The following WASF1 variants were observed in gnomAD, a reference collection of about 807,000 sequenced individuals.
WASF1 encodes the protein WASP family member 1.
In WASF1, 7 loss-of-function variants were observed where a neutral mutation model predicts 50.5. That is an observed-to-expected ratio of 0.14 (90% CI 0.08 to 0.26). The LOEUF (loss-of-function observed/expected upper bound fraction) is 0.26, where lower values mean the gene tolerates loss of function less well. WASF1 is among the 10% of genes least tolerant of loss of function. WASF1 has a pLI of 1.00. For missense variants in WASF1, 470 were observed against 694.7 expected (o/e 0.68, Z 3.64); for synonymous variants, 205 against 244.0 (o/e 0.84, Z 1.49).
intron 3 of WASF1, among the ~76,000 whole-genome samples, chr6:110,146,387 A>G (rs1775562248): frequency 6.6e-6 from 1 of 151,698 alleles, no homozygotes; most frequent in Non-Finnish European, 1.5e-5. Context: ...ATGTTTAAAT[A>G]GAGCTTTGCT....
intron 3 of WASF1, among the ~76,000 whole-genome samples, chr6:110,135,330 T>C (rs1322213393): frequency 6.6e-6 from 1 of 152,196 alleles, no homozygotes; most frequent in Non-Finnish European, 1.5e-5. Context: ...CAGTATGACT[T>C]CCTCTTTACT....
chr6:110,163,396 A>T (rs1039562448), intron 2 of WASF1, among the ~76,000 whole-genome samples: 1 of 151,548 alleles, frequency 6.6e-6, no homozygotes, highest in Non-Finnish European at 1.5e-5. Context: ...GGTTCTAGTG[A>T]GAGTCCTGTT....
At chr6:110,163,211 C>T (rs556679116) in intron 2 of WASF1, among the ~76,000 whole-genome samples, 5 of 151,562 alleles carry the variant, frequency 3.3e-5, no homozygotes, top group East Asian at 1.9e-4. Context: ...AAAACTCTGA[C>T]GAAAGAAATC....
At chr6:110,142,195 TTTC>T (rs1357582590) in intron 3 of WASF1, among the ~76,000 whole-genome samples, 1 of 152,232 alleles carries the variant, frequency 6.6e-6, no homozygotes, top group Admixed American at 6.5e-5. Flanking sequence ...ATCTTACTCA[TTTC>T]TTCATCTTTA....
chr6:110,111,679 T>G (rs1475130085), intron 5 of WASF1, among the ~76,000 whole-genome samples: 4 of 152,118 alleles, frequency 2.6e-5, no homozygotes, highest in Non-Finnish European at 5.9e-5. Context: ...GTACTATTCA[T>G]TCATATGAAA....
chr6:110,155,099 G>C (rs1230321377), intron 3 of WASF1, among the ~76,000 whole-genome samples: 1 of 152,040 alleles, frequency 6.6e-6, no homozygotes, highest in African/African-American at 2.4e-5. Context: ...CTAATACCCT[G>C]AAATAATCAG....
At chr6:110,169,528 G>A (rs747990217) in intron 2 of WASF1, among the ~76,000 whole-genome samples, 5 of 152,080 alleles carry the variant, frequency 3.3e-5, no homozygotes, top group Non-Finnish European at 7.4e-5. Context: ...ACACAATACA[G>A]CCATTTTCAT....
chr6:110,142,996 T>A (rs1775326675), intron 3 of WASF1, among the ~76,000 whole-genome samples: 1 of 143,984 alleles, frequency 6.9e-6, no homozygotes, highest in Non-Finnish European at 1.5e-5. Flanking sequence ...CCAAGTTTCT[T>A]CGTTTATTTT....
At chr6:110,105,289 C>T (rs1427305206) in intron 8 of WASF1, 118 bp downstream of exon 8, 9 of 1,093,472 alleles carry the variant, frequency 8.2e-6, no homozygotes, top group Non-Finnish European at 1.1e-5. Context: ...GAAATAATCT[C>T]TATATTTATA....
At chr6:110,120,329 AACTT>A (rs1485400230) in intron 4 of WASF1, among the ~76,000 whole-genome samples, 1 of 152,248 alleles carries the variant, frequency 6.6e-6, no homozygotes, top group Non-Finnish European at 1.5e-5. Flanking sequence ...GCTGATACGC[AACTT>A]CAGCGAAGTC....
At chr6:110,137,445 G>C (rs1483522182) in intron 3 of WASF1, among the ~76,000 whole-genome samples, 2 of 152,104 alleles carry the variant, frequency 1.3e-5, no homozygotes, top group African/African-American at 4.8e-5. Flanking sequence ...TATGAAAACA[G>C]GTAATTCAAA....
chr6:110,176,288 C>T (rs748328496), intron 2 of WASF1, among the ~76,000 whole-genome samples: 1 of 151,746 alleles, frequency 6.6e-6, no homozygotes, highest in Non-Finnish European at 1.5e-5. Context: ...CACTAGAAAA[C>T]GTAAGTCACA....
At chr6:110,116,179 T>G (rs533827420) in intron 4 of WASF1, among the ~76,000 whole-genome samples, 1 of 152,060 alleles carries the variant, frequency 6.6e-6, no homozygotes, top group East Asian at 1.9e-4. Flanking sequence ...TTAGGACTGG[T>G]TGGACAGTGG....
chr6:110,109,455 TA>T (rs1773462471), intron 5 of WASF1, among the ~76,000 whole-genome samples: 1 of 152,106 alleles, frequency 6.6e-6, no homozygotes, highest in Non-Finnish European at 1.5e-5. Flanking sequence ...ATCCCGATAT[TA>T]AAAAATAAGG....
At chr6:110,124,684 A>C (rs1774344042) in intron 4 of WASF1, among the ~76,000 whole-genome samples, 1 of 152,100 alleles carries the variant, frequency 6.6e-6, no homozygotes, top group Non-Finnish European at 1.5e-5. Flanking sequence ...AGGCGGGTGG[A>C]TCACTTGAGG....
At position 110,164,221 on chromosome 6, in the gene WASF1, T is replaced by C. The variant is rs564791223; in HGVS notation, c.-126-3489A>G. The stretch of plus-strand genomic sequence containing the variant: ...TTGGTAAGTTGGACTTCATTAAAAT[T>C]AAAAAATTCTGCTCTGTTAAGACAA... On this transcript the variant is annotated intron_variant, in intron 2 of 10. Coordinates refer to ENST00000392589, the MANE Select transcript of WASF1 (RefSeq NM_003931.3). 2.6e-5 allele frequency among the ~76,000 whole-genome samples: 4 copies of C among 151,706 alleles called. No homozygotes were observed. In the East Asian group the frequency reaches 7.8e-4, roughly 29 times the overall value.
chr6:110,170,478 C>G (rs753615397), intron 2 of WASF1, among the ~76,000 whole-genome samples: 5 of 152,116 alleles, frequency 3.3e-5, no homozygotes, highest in Non-Finnish European at 7.4e-5. Context: ...CCTGACTCAG[C>G]CTCCTAAAGT....
intron 4 of WASF1, among the ~76,000 whole-genome samples, chr6:110,122,439 A>C (rs1056304893): frequency 6.6e-6 from 1 of 152,194 alleles, no homozygotes; most frequent in African/African-American, 2.4e-5. Flanking sequence ...AGAAATGAAG[A>C]AGCAAAAAAG....
intron 3 of WASF1, among the ~76,000 whole-genome samples, chr6:110,136,453 A>T (rs914535246): frequency 6.6e-6 from 1 of 152,164 alleles, no homozygotes; most frequent in African/African-American, 2.4e-5. Context: ...CTATAGCTTT[A>T]CTGAGTTTTG....
Sources: allele counts gnomAD v4.1 joint callset (sites outside exome capture counted in the v4.1 genomes callset), GRCh38; gene constraint gnomAD v4.1.1; transcripts MANE v1.5; gene names NCBI Gene and HGNC (gene_info 2026-07-23, HGNC 2026-07-21).